MICALL1: variants seen among roughly 807,000 people sequenced by gnomAD.
The protein encoded by MICALL1 is MICAL like 1.
MICALL1 carries 61 observed loss-of-function variants against 83.7 expected under a neutral mutation model. That is an observed-to-expected ratio of 0.73 (90% CI 0.59 to 0.90). MICALL1 has a LOEUF of 0.90. Among genes scored for constraint, MICALL1 ranks in the 40% least tolerant of loss-of-function variants. The probability of loss-of-function intolerance (pLI) is 0.00; values close to 1 mark genes in which losing one functional copy is unlikely to be tolerated. For synonymous variants in MICALL1, 481 were observed against 473.6 expected (o/e 1.02, Z -0.20); for missense variants, 1,066 against 1,152.0 (o/e 0.93, Z 1.08).
intron 1 of MICALL1, among the ~76,000 whole-genome samples, chr22:37,911,511 A>G (rs1346309586): frequency 6.6e-6 from 1 of 152,180 alleles, no homozygotes; most frequent in African/African-American, 2.4e-5. Context: ...ATTCTTGCCA[A>G]ACAGAGTTGC....
At chr22:37,936,545 T>C (rs1254269100) in intron 13 of MICALL1, among the ~76,000 whole-genome samples, 1 of 152,206 alleles carries the variant, frequency 6.6e-6, no homozygotes, top group Non-Finnish European at 1.5e-5. Context: ...GGCTCTTTGG[T>C]AGGCAGCCTG....
Position 37,922,100 on chromosome 22 carries a change from C to A in MICALL1, c.698C>A (p.Pro233His). Residue 233 changes from proline (P) to histidine (H), a missense_variant, in exon 6 of 16, where the codon CCC becomes CAC. Pro to His is a moderately conservative substitution (Grantham distance 77). Coordinates refer to ENST00000215957, the MANE Select transcript of MICALL1 (RefSeq NM_033386.4). ...PGTRSGTRPG[P>H]FSQPKQQHQQ... Reference sequence around the variant, plus strand: ...ACACGGTCGGGGACCAGGCCTGGGCCCTTCTCACAGCCAAAGCAGCAGCAC... The same window carrying A: ...ACACGGTCGGGGACCAGGCCTGGGCACTTCTCACAGCCAAAGCAGCAGCAC... 6.2e-7 allele frequency: 1 copy of A among 1,613,356 alleles called. No individual in the cohort carries two copies. Among genetic ancestry groups the A allele is most frequent in the Non-Finnish European group, 8.5e-7 (1 of 1,180,004 alleles).
rs903012610 is a variant in MICALL1, at chr22:37,922,270, C to G, written c.868C>G (p.Leu290Val). The G allele has an allele frequency of 5.7e-6, 9 of 1,579,490 alleles. No homozygotes were observed. In the African/African-American group the frequency reaches 1.2e-4, roughly 21 times the overall value. ...TACCAAGCCCCGGGTTCCTGGCAAA[C>G]TACAGGAGCTGGCCAGCCCCCCTGC... Reference protein sequence around the residue: ...IPTKPRVPGKLQELASPPAGR... With the variant: ...IPTKPRVPGKVQELASPPAGR... Residue 290 changes from leucine (L) to valine (V), a missense_variant, in exon 6 of 16, where the codon CTA (leucine) becomes GTA (valine). By Grantham distance (32) the Leu-to-Val change is conservative. Transcript: ENST00000215957.
chr22:37,922,419 GGTGAA>G lies in MICALL1; in HGVS notation c.1018_1022del (p.Val340ArgfsTer84), dbSNP rs1210159159. 6.6e-7 allele frequency: 1 copy of G among 1,525,096 alleles called. No homozygotes were observed. Among genetic ancestry groups the G allele is most frequent in the Non-Finnish European group, 8.8e-7 (1 of 1,140,496 alleles). The allele number at this position is 1,525,096 out of a possible 1,614,324, so 94.5% of individuals were successfully genotyped here. A position where few individuals can be genotyped will look rare whatever the true frequency, so the allele number is the denominator to read the frequency against. On this transcript the variant is annotated frameshift_variant and splice_region_variant, in exon 6 of 16. Coordinates refer to ENST00000215957, the MANE Select transcript of MICALL1 (RefSeq NM_033386.4). LOFTEE classifies it high-confidence loss of function. ...TGGAGCAGGCTGGCAGCAGCAGCCT[GGTGAA>G]CGGTGAGCAGGGTGCAGTCAGGGCA...
At chr22:37,909,586 C>T (rs985455816) in intron 1 of MICALL1, among the ~76,000 whole-genome samples, 5 of 151,880 alleles carry the variant, frequency 3.3e-5, no homozygotes, top group African/African-American at 1.2e-4. Context: ...TCTCAATCTC[C>T]TGACCTCGTG....
chr22:37,931,707 G>C (rs1156261651), intron 9 of MICALL1, 92 bp from the exon 10 acceptor site: 2 of 1,524,900 alleles, frequency 1.3e-6, no homozygotes, highest in African/African-American at 2.7e-5. Flanking sequence ...CTGGAGTGCT[G>C]GCCTGCTTTC....
chr22:37,936,597 A>G (rs573991993), intron 13 of MICALL1, among the ~76,000 whole-genome samples: 6 of 152,204 alleles, frequency 3.9e-5, no homozygotes, highest in Non-Finnish European at 7.4e-5. Context: ...TTTCCCTAAG[A>G]ACTTGTAGGC....
At chr22:37,935,299 C>T (rs1449023142) in intron 13 of MICALL1, among the ~76,000 whole-genome samples, 1 of 149,206 alleles carries the variant, frequency 6.7e-6, no homozygotes, top group Admixed American at 6.7e-5. Flanking sequence ...CTCGCTCTGT[C>T]GCCTAGGCTG....
intron 3 of MICALL1, among the ~76,000 whole-genome samples, chr22:37,915,436 G>A (rs1486863805): frequency 1.3e-5 from 2 of 152,064 alleles, no homozygotes; most frequent in Admixed American, 6.6e-5. Flanking sequence ...CTGGTGAGAG[G>A]CAGTCTAAGG....
chr22:37,925,609 A>G, intron 7 of MICALL1, 52 bp from the exon 8 acceptor site: 1 of 1,471,722 alleles, frequency 6.8e-7, no homozygotes, highest in East Asian at 2.3e-5. Flanking sequence ...AGAGAGAAGG[A>G]AGCTGACCCT....
chr22:37,933,308 G>T (rs934780955), intron 13 of MICALL1, among the ~76,000 whole-genome samples, 196 bp downstream of exon 13: 1 of 152,280 alleles, frequency 6.6e-6, no homozygotes, highest in African/African-American at 2.4e-5. Flanking sequence ...TAAGCTGGCT[G>T]GGGCTGTGGT....
At chr22:37,911,115 C>T (rs1928296665) in intron 1 of MICALL1, among the ~76,000 whole-genome samples, 1 of 152,172 alleles carries the variant, frequency 6.6e-6, no homozygotes, top group African/African-American at 2.4e-5. Context: ...AGCCTGCAGG[C>T]CAGCCAGCTG....
At position 37,919,252 on chromosome 22, in the gene MICALL1, C is replaced by T. The variant is rs1276443545; in HGVS notation, c.569+74C>T. ...CCGTGGGTTCAGCACACACAGTGCG[C>T]CAGGCACCTTGCCAGGCCCTTCACA... is the stretch of plus-strand genomic sequence containing the variant. On this transcript the variant is annotated intron_variant, in intron 5 of 15. Coordinates refer to ENST00000215957, the MANE Select transcript of MICALL1 (RefSeq NM_033386.4). 8 of 1,399,642 alleles carry T rather than the reference C, an allele frequency of 5.7e-6. No individual in the cohort carries two copies. The South Asian group carries it at 9.6e-5, about 17-fold the overall frequency. The allele number at this position is 1,399,642 out of a possible 1,614,324, so 86.7% of individuals were successfully genotyped here.
rs529766097 is a variant in MICALL1 at position 37,934,188 on chromosome 22, G to A, written c.2308+1076G>A. Among the ~76,000 whole-genome samples the A allele has an allele frequency of 1.4e-4, 22 of 152,306 alleles. No homozygotes were observed. In the Middle Eastern group the frequency reaches 0.01, roughly 71 times the overall value. On this transcript the variant is annotated intron_variant, in intron 13 of 15. Transcript: ENST00000215957. ...CCCCCGTGTGGTGGCTGTGCGTCCC[G>A]GGCTTGTCAGCCTGTCCCGGATGTT...
At chr22:37,939,586 CA>C (rs1930318989) in intron 15 of MICALL1, among the ~76,000 whole-genome samples, 1 of 151,224 alleles carries the variant, frequency 6.6e-6, no homozygotes, top group Admixed American at 6.6e-5. Flanking sequence ...CCAGCCTGGC[CA>C]GCATGGTGAA....
chr22:37,935,271 AT>A (rs1410423753), intron 13 of MICALL1, among the ~76,000 whole-genome samples: 1 of 139,124 alleles, frequency 7.2e-6, no homozygotes, highest in African/African-American at 2.7e-5. Context: ...ATTTTATTTT[AT>A]TTTTTTGAGT....
At position 37,922,351 on chromosome 22, in the gene MICALL1, C is replaced by T; in HGVS notation, c.949C>T (p.Pro317Ser). The T allele has an allele frequency of 6.5e-7, 1 of 1,530,028 alleles. No individual in the cohort carries two copies. Among genetic ancestry groups the T allele is most frequent in the South Asian group, 1.2e-5 (1 of 81,484 alleles). 94.8% of individuals were successfully genotyped at this position (1,530,028 alleles called of 1,614,324 possible). ...KASESTTPAP[P>S]TPRPRSSLQQ... ...CTCTGAGAGCACCACCCCAGCACCCCCCACGCCCCGGCCCCGCTCCAGTCT... is the reference window on the plus strand; with the variant it reads ...CTCTGAGAGCACCACCCCAGCACCCTCCACGCCCCGGCCCCGCTCCAGTCT... The change falls in exon 6 of 16, where the codon CCC (proline) becomes TCC (serine). Residue 317 changes from proline (P) to serine (S), a missense_variant. Pro to Ser is a moderately conservative substitution (Grantham distance 74, BLOSUM62 -1). Transcript: ENST00000215957.
chr22:37,932,961 C>T lies in MICALL1; in HGVS notation c.2234+73C>T. 1 of 1,611,962 alleles carries T rather than the reference C, an allele frequency of 6.2e-7. No individual in the cohort carries two copies. The highest frequency in any genetic ancestry group is 8.5e-7 in the Non-Finnish European group (1 of 1,178,162). On this transcript the variant is annotated intron_variant, in intron 12 of 15. Coordinates refer to ENST00000215957, the MANE Select transcript of MICALL1 (RefSeq NM_033386.4). This position sits in a 1 kb window ranked among gnomAD's most constrained non-coding sequence, Gnocchi z 4.4. The stretch of plus-strand genomic sequence containing the variant: ...AGAATGGAGAACCCTTACCCTCTTC[C>T]CTCATCAGTAACAGCGCAGGGCAGG...
intron 15 of MICALL1, 139 bp downstream of exon 15, chr22:37,937,931 CAG>C (rs748137003): frequency 2.2e-5 from 23 of 1,044,776 alleles, no homozygotes; most frequent in Non-Finnish European, 3.0e-5. Flanking sequence ...CTCTGTTGTG[CAG>C]AGAGGGCTGT....
Sources: gnomAD v4.1 joint callset for allele counts (sites outside exome capture counted in the v4.1 genomes callset) on GRCh38, gnomAD v4.1.1 for gene constraint, Gnocchi (gnomAD v3.1) non-coding constraint, MANE v1.5 for transcripts, NCBI Gene and HGNC (gene_info 2026-07-23, HGNC 2026-07-21) for gene names.